RILPL1: variants seen among roughly 807,000 people sequenced by gnomAD.
The protein encoded by RILPL1 is RILP-like protein 1.
RILPL1 carries 33 observed loss-of-function variants against 50.3 expected under a neutral mutation model. The observed-to-expected ratio is 0.66, with a 90% confidence interval of 0.50 to 0.88. The LOEUF (loss-of-function observed/expected upper bound fraction) is 0.88, where lower values mean the gene tolerates loss of function less well. Ranked by LOEUF, RILPL1 falls within the 40% of genes least tolerant of loss-of-function variation. The pLI is 0.00. For synonymous variants in RILPL1, 205 were observed against 228.6 expected (o/e 0.90, Z 0.93); for missense variants, 418 against 542.5 (o/e 0.77, Z 2.28).
chr12:123,511,618 C>CTG (rs1396925494), intron 2 of RILPL1, among the ~76,000 whole-genome samples: 3 of 67,140 alleles, frequency 4.5e-5, no homozygotes, highest in African/African-American at 6.0e-5. Context: ...TGTGTGAGGT[C>CTG]TGTGTGTGGT....
chr12:123,511,956 T>G (rs1455242996), intron 2 of RILPL1, among the ~76,000 whole-genome samples: 20 of 112,804 alleles, frequency 1.8e-4, no homozygotes, highest in Non-Finnish European at 2.8e-4. Context: ...GTGTGTGTGG[T>G]GTGAGATCTG....
chr12:123,478,230 G>A (rs1881730793), intron 6 of RILPL1, among the ~76,000 whole-genome samples: 1 of 151,734 alleles, frequency 6.6e-6, no homozygotes, highest in Non-Finnish European at 1.5e-5. Context: ...CAAACTCCTG[G>A]CCTCAAGCGA....
chr12:123,478,229 G>A (rs780939194), intron 6 of RILPL1, among the ~76,000 whole-genome samples: 28 of 151,578 alleles, frequency 1.8e-4, no homozygotes, highest in Non-Finnish European at 3.8e-4. Flanking sequence ...TCAAACTCCT[G>A]GCCTCAAGCG....
chr12:123,533,155 G>C lies in RILPL1; in HGVS notation c.309+19C>G. 6.6e-7 allele frequency: 1 copy of C among 1,516,390 alleles called. No homozygotes were observed. Among genetic ancestry groups the C allele is most frequent in the Non-Finnish European group, 8.8e-7 (1 of 1,132,644 alleles). The allele number at this position is 1,516,390 out of a possible 1,614,324, so 93.9% of individuals were successfully genotyped here. On this transcript the variant is annotated intron_variant, in intron 1 of 6. Coordinates refer to ENST00000376874, the MANE Select transcript of RILPL1 (RefSeq NM_178314.5). The surrounding 1 kb of genome is among the most constrained non-coding windows in gnomAD (Gnocchi z 6.2). ...CGCGGTCCCACTGCCCGGACGGACA[G>C]ACCGAGGCCGCCGCCCACCTTCTGG... is the stretch of plus-strand genomic sequence containing the variant.
In RILPL1 at chr12:123,499,487, C is replaced by T; in HGVS notation, c.510G>A (p.Val170=). ...RQVMKKLKEV[V]DKQRDEIRAK... The stretch of plus-strand genomic sequence containing the variant: ...CGCGGATCTCGTCGCGTTGTTTGTC[C>T]ACCACCTCCTTCAGCTTCTTCATCA... Residue 170 remains valine (V), a synonymous_variant, in exon 3 of 7, where the codon GTG becomes GTA. Transcript: ENST00000376874. 1.2e-6 allele frequency: 2 copies of T among 1,613,960 alleles called. No individual in the cohort carries two copies. Among genetic ancestry groups the T allele is most frequent in the Non-Finnish European group, 1.7e-6 (2 of 1,179,882 alleles).
intron 6 of RILPL1, chr12:123,475,621 G>C (rs924519296): frequency 1.4e-5 from 19 of 1,317,820 alleles, no homozygotes; most frequent in African/African-American, 2.9e-5. Context: ...GACATTCCAA[G>C]GGGGCAGCTC....
intron 2 of RILPL1, chr12:123,513,465 A>G: frequency 4.0e-6 from 1 of 252,630 alleles, no homozygotes; most frequent in Non-Finnish European, 8.5e-6. Context: ...CAGCCTCATC[A>G]CCTTCCTGGG....
In RILPL1 at chr12:123,520,892, C is replaced by T. The variant is rs531837600; in HGVS notation, c.460+2603G>A. On this transcript the variant is annotated intron_variant, in intron 2 of 6. Coordinates refer to ENST00000376874, the MANE Select transcript of RILPL1 (RefSeq NM_178314.5). ...CCACGGCGGATCAATCCATGGTGCG[C>T]GTGATTTCAGTCTCCCCACCAGCCT... 9.9e-5 allele frequency among the ~76,000 whole-genome samples: 15 copies of T among 152,266 alleles called. No individual in the cohort carries two copies. The East Asian group carries it at 1.9e-3, about 20-fold the overall frequency.
At chr12:123,526,829 G>A (rs1426184389) in intron 1 of RILPL1, among the ~76,000 whole-genome samples, 2 of 152,216 alleles carry the variant, frequency 1.3e-5, no homozygotes, top group Non-Finnish European at 2.9e-5. Context: ...ATAAGCAGAT[G>A]GGGCCTGGAA....
At chr12:123,518,282 T>C (rs1442923805) in intron 2 of RILPL1, 2 of 383,936 alleles carry the variant, frequency 5.2e-6, no homozygotes, top group African/African-American at 4.3e-5. Context: ...GGCAGGAGGA[T>C]TGCTTGAGGC....
intron 2 of RILPL1, among the ~76,000 whole-genome samples, chr12:123,501,685 G>A (rs576774064): frequency 2.1e-4 from 31 of 150,740 alleles, no homozygotes; most frequent in African/African-American, 7.3e-4. Context: ...GCTTGAACCC[G>A]GGAGGCGGAG....
At chr12:123,504,335 C>T (rs1301497035) in intron 2 of RILPL1, among the ~76,000 whole-genome samples, 3 of 151,946 alleles carry the variant, frequency 2.0e-5, no homozygotes, top group Admixed American at 6.6e-5. Context: ...CCCCCGGGTG[C>T]GCCATTGCAT....
At chr12:123,504,464 G>A (rs1199426989) in intron 2 of RILPL1, among the ~76,000 whole-genome samples, 3 of 152,100 alleles carry the variant, frequency 2.0e-5, no homozygotes, top group African/African-American at 4.8e-5. Context: ...GCCAGGTAAG[G>A]CCTGGGTCCT....
At chr12:123,515,306 TAAAC>T (rs1474664343) in intron 2 of RILPL1, 4 of 152,008 alleles carry the variant, frequency 2.6e-5, no homozygotes, top group Admixed American at 6.6e-5. Flanking sequence ...GAAAACAAAA[TAAAC>T]AAATTTGTGT....
Position 123,484,196 on chromosome 12 carries a change from A to G in RILPL1, c.1051T>C (p.Ser351Pro). 2 of 1,605,410 alleles carry G rather than the reference A, an allele frequency of 1.2e-6. No individual in the cohort carries two copies. Among genetic ancestry groups the G allele is most frequent in the Non-Finnish European group, 1.7e-6 (2 of 1,173,556 alleles). The change falls in exon 6 of 7, where the codon TCG becomes CCG. Residue 351 changes from serine to proline, a missense_variant. By Grantham distance (74) the Ser-to-Pro change is moderately conservative (BLOSUM62 -1). Transcript: ENST00000376874. ...AHPRTSPQPE[S>P]GIKRLFSFFS... ...ATCACTTACAGTCGCTTGATGCCCG[A>G]CTCCGGCTGGGGGGACGTCCTCGGG...
Position 123,478,884 on chromosome 12 carries a change from C to T in RILPL1, c.1067+5296G>A, listed in dbSNP as rs1014782736. Among the ~76,000 whole-genome samples the T allele has an allele frequency of 3.3e-5, 5 of 152,310 alleles. No homozygotes were observed. The South Asian group carries it at 8.3e-4, about 25-fold the overall frequency. ...CGAGGCTGAAGTCACTCCAGCACTC[C>T]CTCGTGACCTTCCTGGGCAGTGCCA... On this transcript the variant is annotated intron_variant, in intron 6 of 6. Coordinates refer to ENST00000376874, the MANE Select transcript of RILPL1 (RefSeq NM_178314.5).
intron 4 of RILPL1, among the ~76,000 whole-genome samples, chr12:123,486,573 T>C (rs1463444945): frequency 1.3e-5 from 2 of 152,226 alleles, no homozygotes; most frequent in African/African-American, 4.8e-5. Context: ...TAAACTCACA[T>C]GTCACACAAC....
chr12:123,483,271 TG>T (rs1360155482), intron 6 of RILPL1, among the ~76,000 whole-genome samples: 4 of 152,260 alleles, frequency 2.6e-5, no homozygotes, highest in Admixed American at 2.6e-4. Flanking sequence ...GTGTGGGCTC[TG>T]GGGCCAGGCT....
Position 123,498,816 on chromosome 12 carries a change from G to A in RILPL1, c.580-51C>T. 6.5e-7 allele frequency: 1 copy of A among 1,546,908 alleles called. No homozygotes were observed. Among genetic ancestry groups the A allele is most frequent in the Non-Finnish European group, 8.9e-7 (1 of 1,127,298 alleles). The stretch of plus-strand genomic sequence containing the variant: ...CGGGGCTGCCACCTGCGGTAGCTCA[G>A]GTTGTACACTGCACAACGGCAAACC... On this transcript the variant is annotated intron_variant, in intron 3 of 6. Coordinates refer to ENST00000376874, the MANE Select transcript of RILPL1 (RefSeq NM_178314.5). This position sits in a 1 kb window ranked among gnomAD's most constrained non-coding sequence, Gnocchi z 4.3.
Sources: gnomAD v4.1 joint callset for allele counts (sites outside exome capture counted in the v4.1 genomes callset) on GRCh38, gnomAD v4.1.1 for gene constraint, Gnocchi (gnomAD v3.1) non-coding constraint, MANE v1.5 for transcripts, NCBI Gene and HGNC (gene_info 2026-07-23, HGNC 2026-07-21) for gene names.